LYRM4: variants seen among roughly 807,000 people sequenced by gnomAD.
The protein encoded by LYRM4 is LYR motif containing 4.
Under a neutral mutation model 11.7 loss-of-function variants are expected in LYRM4, and 9 were observed. The ratio of observed to expected loss-of-function variants is 0.77; its 90% confidence interval spans 0.46 to 1.34. The LOEUF is 1.34. LYRM4 is among the 40% of genes most tolerant of loss of function. The pLI is 0.00. For missense variants in LYRM4, 133 were observed against 112.5 expected (o/e 1.18, Z -0.82); for synonymous variants, 42 against 40.4 (o/e 1.04, Z -0.15).
chr6:5,117,305 C>A (rs934747874), intron 2 of LYRM4, among the ~76,000 whole-genome samples: 13 of 152,172 alleles, frequency 8.5e-5, no homozygotes, highest in Non-Finnish European at 1.5e-4. Flanking sequence ...GCCTGTAATC[C>A]CAGCACTTTA....
chr6:5,048,830 TTGAA>T, the LYRM4 span, among the ~76,000 whole-genome samples: 2 of 152,122 alleles, frequency 1.3e-5, no homozygotes, highest in Admixed American at 1.3e-4. Context: ...AAATAATGGT[TTGAA>T]TGGGGCAATG....
intron 2 of LYRM4, among the ~76,000 whole-genome samples, chr6:5,130,839 A>G (rs1192030946): frequency 2.0e-5 from 3 of 152,236 alleles, no homozygotes; most frequent in Admixed American, 1.3e-4. Flanking sequence ...ACAGAAAAGT[A>G]GAATGGAATT....
chr6:5,140,894 T>C (rs1451494240), intron 2 of LYRM4, among the ~76,000 whole-genome samples: 1 of 152,188 alleles, frequency 6.6e-6, no homozygotes, highest in Non-Finnish European at 1.5e-5. Flanking sequence ...ACCTCCTAAA[T>C]AACCAACCAA....
At chr6:5,143,731 G>A (rs1165815044) in intron 2 of LYRM4, among the ~76,000 whole-genome samples, 1 of 152,206 alleles carries the variant, frequency 6.6e-6, no homozygotes, top group Non-Finnish European at 1.5e-5. Context: ...TACAGCAGAA[G>A]AACCTGAGTG....
At chr6:5,236,088 G>A (rs976304466) in intron 1 of LYRM4, among the ~76,000 whole-genome samples, 2 of 152,190 alleles carry the variant, frequency 1.3e-5, no homozygotes, top group East Asian at 1.9e-4. Flanking sequence ...CCATTTTCCC[G>A]TAGGTGGATA....
intron 2 of LYRM4, among the ~76,000 whole-genome samples, chr6:5,190,772 G>A (rs1760706774): frequency 2.0e-5 from 3 of 152,162 alleles, no homozygotes; most frequent in Admixed American, 6.6e-5. Context: ...TGGGGTCAGA[G>A]AAAGCCTGAG....
intron 2 of LYRM4, among the ~76,000 whole-genome samples, chr6:5,193,509 T>A (rs999190952): frequency 1.3e-5 from 2 of 152,170 alleles, no homozygotes; most frequent in East Asian, 3.9e-4. Flanking sequence ...ATTCTGTGTG[T>A]TGTGTTTCTG....
chr6:5,083,373 C>T, the LYRM4 span, among the ~76,000 whole-genome samples: 133,661 of 152,070 alleles, frequency 0.88, 58,785 homozygotes, highest in South Asian at 0.92. Context: ...AGGCCGTGTG[C>T]GCCTGGGGCC....
At chr6:5,034,769 T>TTTTTTTTTTTTTTTTTG in the LYRM4 span, 1 of 12,992 alleles carries the variant, frequency 7.7e-5, no homozygotes, top group African/African-American at 1.5e-4. Flanking sequence ...TTTTTTTTTT[T>TTTTTTTTTTTTTTTTTG]TCAAAAAGCG....
intron 1 of LYRM4, among the ~76,000 whole-genome samples, chr6:5,219,500 G>A (rs1290738868): frequency 6.6e-6 from 1 of 152,062 alleles, no homozygotes; most frequent in Non-Finnish European, 1.5e-5. Flanking sequence ...GTTATTCTTC[G>A]CCCTAAGGGA....
chr6:5,134,163 A>G (rs1764083041), intron 2 of LYRM4, among the ~76,000 whole-genome samples: 1 of 152,244 alleles, frequency 6.6e-6, no homozygotes, highest in Non-Finnish European at 1.5e-5. Flanking sequence ...TGAGGAAGTG[A>G]CAAGCTGCTT....
chr6:5,065,889 C>T, the LYRM4 span: 1 of 235,994 alleles, frequency 4.2e-6, no homozygotes, highest in Non-Finnish European at 8.7e-6. Context: ...CTTGAGGGTA[C>T]ATGTTAGTTA....
chr6:5,254,165 C>T (rs1054485094), intron 1 of LYRM4, among the ~76,000 whole-genome samples: 3 of 152,222 alleles, frequency 2.0e-5, no homozygotes, highest in Non-Finnish European at 2.9e-5. Context: ...TCAACAGAAA[C>T]GGCCCAACTG....
At chr6:5,053,682 C>T in the LYRM4 span, among the ~76,000 whole-genome samples, 3,831 of 151,806 alleles carry the variant, frequency 0.025, 76 homozygotes, top group South Asian at 0.092. Flanking sequence ...ACATTAAAAC[C>T]AGAATCCCTA....
chr6:5,039,522 C>A, the LYRM4 span, among the ~76,000 whole-genome samples: 1 of 152,150 alleles, frequency 6.6e-6, no homozygotes, highest in Non-Finnish European at 1.5e-5. Flanking sequence ...AAAGTAACAA[C>A]CTTATGCCAC....
chr6:5,210,027 A>G (rs1241533045), intron 2 of LYRM4, among the ~76,000 whole-genome samples: 1 of 152,258 alleles, frequency 6.6e-6, no homozygotes, highest in Non-Finnish European at 1.5e-5. Context: ...AGGTGCTAAC[A>G]ATATGAATGA....
intron 2 of LYRM4, among the ~76,000 whole-genome samples, chr6:5,205,273 T>C (rs1761629694): frequency 6.6e-6 from 1 of 152,028 alleles, no homozygotes; most frequent in African/African-American, 2.4e-5. Context: ...AGGAGGTGAA[T>C]GCAGACACAA....
chr6:5,122,312 G>A (rs1398771544), intron 2 of LYRM4, among the ~76,000 whole-genome samples: 1 of 152,098 alleles, frequency 6.6e-6, no homozygotes, highest in African/African-American at 2.4e-5. Flanking sequence ...GCTTCCAGAT[G>A]GCGGGTAGCA....
chr6:5,114,863 T>C (rs1167893161), intron 2 of LYRM4, among the ~76,000 whole-genome samples: 1 of 152,220 alleles, frequency 6.6e-6, no homozygotes, highest in East Asian at 1.9e-4. Context: ...TTGGACAAGC[T>C]TGCTCTAAAT....
Sources: gnomAD v4.1 joint callset for allele counts (sites outside exome capture counted in the v4.1 genomes callset) on GRCh38, gnomAD v4.1.1 for gene constraint, MANE v1.5 for transcripts, NCBI Gene and HGNC (gene_info 2026-07-23, HGNC 2026-07-21) for gene names.